DAB1: variants seen among roughly 807,000 people sequenced by gnomAD.
DAB1 encodes disabled homolog 1.
DAB1 carries 15 observed loss-of-function variants against 64.6 expected under a neutral mutation model. The ratio of observed to expected loss-of-function variants is 0.23; its 90% CI spans 0.16 to 0.36. DAB1 has a LOEUF of 0.36. DAB1 is among the 10% of genes least tolerant of loss of function. The probability of loss-of-function intolerance (pLI) is 1.00; values close to 1 mark genes in which losing one functional copy is unlikely to be tolerated. For missense variants in DAB1, 596 were observed against 706.7 expected, an observed-to-expected ratio of 0.84 and a Z score of 1.78; for synonymous variants, 235 against 251.9, an observed-to-expected ratio of 0.93 and a Z score of 0.64.
intron 6 of DAB1, among the ~76,000 whole-genome samples, chr1:57,719,104 G>C (rs1647119851): frequency 6.6e-6 from 1 of 152,170 alleles, no homozygotes; most frequent in Non-Finnish European, 1.5e-5. Flanking sequence ...TGAGAAATTA[G>C]GGACAACTAT....
intron 2 of DAB1, among the ~76,000 whole-genome samples, chr1:57,247,520 G>C (rs1668976524): frequency 6.6e-6 from 1 of 152,154 alleles, no homozygotes. Context: ...CTTTATAGCA[G>C]CGTGAGAACA....
At chr1:58,243,712 A>G (rs1474326430) in intron 4 of DAB1, among the ~76,000 whole-genome samples, 1 of 152,196 alleles carries the variant, frequency 6.6e-6, no homozygotes, top group African/African-American at 2.4e-5. Flanking sequence ...TCACTCTCAA[A>G]GTGAGAGTTC....
intron 5 of DAB1, among the ~76,000 whole-genome samples, chr1:57,979,263 G>A (rs561833198): frequency 7.9e-5 from 12 of 152,102 alleles, no homozygotes; most frequent in Admixed American, 3.3e-4. Context: ...TGCCCTTTGC[G>A]GGGACATGGA....
chr1:57,568,477 G>C (rs935848244), intron 7 of DAB1, among the ~76,000 whole-genome samples: 1 of 152,168 alleles, frequency 6.6e-6, no homozygotes, highest in Non-Finnish European at 1.5e-5. Context: ...ACTACCACCA[G>C]AGTGAACAGG....
chr1:57,105,623 T>G (rs1285555223), intron 4 of DAB1, among the ~76,000 whole-genome samples: 1 of 152,186 alleles, frequency 6.6e-6, no homozygotes, highest in African/African-American at 2.4e-5. Flanking sequence ...TTTCCCTTCT[T>G]CTCATTTTCA....
At chr1:58,248,095 A>C (rs1660633186) in intron 4 of DAB1, among the ~76,000 whole-genome samples, 2 of 152,110 alleles carry the variant, frequency 1.3e-5, no homozygotes, top group African/African-American at 4.8e-5. Flanking sequence ...CAAGAAAAAA[A>C]AAAATCTTGT....
chr1:57,081,164 T>C (rs1215096213), intron 4 of DAB1, among the ~76,000 whole-genome samples: 1 of 152,250 alleles, frequency 6.6e-6, no homozygotes, highest in Non-Finnish European at 1.5e-5. Flanking sequence ...ACAAGTCACC[T>C]TATTTCACTG....
intron 5 of DAB1, among the ~76,000 whole-genome samples, chr1:57,939,526 A>C (rs1645073501): frequency 6.6e-6 from 1 of 152,194 alleles, no homozygotes; most frequent in Non-Finnish European, 1.5e-5. Context: ...CAATTTCATC[A>C]GCTCTCTATT....
chr1:57,887,080 C>G (rs1419645771), upstream of DAB1, among the ~76,000 whole-genome samples: 3 of 152,166 alleles, frequency 2.0e-5, no homozygotes, highest in Non-Finnish European at 4.4e-5. Context: ...CCCACCCTCA[C>G]ACATCATTCT....
chr1:57,790,598 T>C (rs1650548700), intron 6 of DAB1, among the ~76,000 whole-genome samples: 1 of 152,012 alleles, frequency 6.6e-6, no homozygotes, highest in Non-Finnish European at 1.5e-5. Context: ...TCTCCCACCA[T>C]CCCTAAGTCA....
At chr1:57,421,834 A>G (rs1271311645) in intron 1 of DAB1, among the ~76,000 whole-genome samples, 1 of 143,742 alleles carries the variant, frequency 7.0e-6, no homozygotes, top group Non-Finnish European at 1.5e-5. Context: ...AAAATCTTTG[A>G]TCACTTTCAG....
At chr1:57,015,559 G>T in intron 11 of DAB1, 128 bp from the exon 12 acceptor site, 1 of 818,658 alleles carries the variant, frequency 1.2e-6, no homozygotes, top group South Asian at 1.8e-5. Flanking sequence ...CCAGGGACTG[G>T]GGATGCCAAG....
rs373623624 is a variant in DAB1, at chr1:57,657,028, G to C, written n.552-7363C>G. Among the ~76,000 whole-genome samples the C allele has an allele frequency of 3.8e-4, 58 of 152,328 alleles. 1 individual carries two copies. In the East Asian group the frequency reaches 8.9e-3, roughly 23 times the overall value. On this transcript the variant is annotated intron_variant and non_coding_transcript_variant, in intron 6 of 20. Coordinates refer to the DAB1 transcript ENST00000485760. ...ATTATACAAACAATTATATGTATTT[G>C]CAAAAGATCTCCAAGACATCTCCAT... is the stretch of plus-strand genomic sequence containing the variant.
At chr1:57,142,877 C>T (rs543858721) in intron 3 of DAB1, among the ~76,000 whole-genome samples, 7 of 152,230 alleles carry the variant, frequency 4.6e-5, no homozygotes, top group South Asian at 2.1e-4. Flanking sequence ...TGGATGAGAA[C>T]CAGATCTTTG....
chr1:57,606,375 CCT>C (rs1645637373), intron 7 of DAB1, among the ~76,000 whole-genome samples: 1 of 12,880 alleles, frequency 7.8e-5, no homozygotes, highest in South Asian at 6.3e-3. Flanking sequence ...CCATTCTAAT[CCT>C]ATATATATAT....
At chr1:58,337,546 C>T (rs1663148434) in intron 4 of DAB1, among the ~76,000 whole-genome samples, 1 of 152,202 alleles carries the variant, frequency 6.6e-6, no homozygotes, top group South Asian at 2.1e-4. Flanking sequence ...TTAGCTCTGC[C>T]ATTACTAGTT....
At chr1:57,709,704 T>C (rs1405727621) in intron 6 of DAB1, among the ~76,000 whole-genome samples, 2 of 152,154 alleles carry the variant, frequency 1.3e-5, no homozygotes, top group Non-Finnish European at 1.5e-5. Flanking sequence ...GTGTCTGACT[T>C]ACGCACAAGA....
intron 1 of DAB1, among the ~76,000 whole-genome samples, chr1:57,854,968 G>T (rs987177141): frequency 5.9e-5 from 9 of 152,262 alleles, no homozygotes; most frequent in Middle Eastern, 3.4e-3. Flanking sequence ...ATGGTCACTA[G>T]GTTTTCCGTA....
At chr1:58,500,942 TATA>T (rs1645897222) in intron 3 of DAB1, among the ~76,000 whole-genome samples, 1 of 152,198 alleles carries the variant, frequency 6.6e-6, no homozygotes, top group Non-Finnish European at 1.5e-5. Context: ...AACGACAAAT[TATA>T]ATATACATAA....
Sources: gnomAD v4.1 joint callset for allele counts (sites outside exome capture counted in the v4.1 genomes callset) on GRCh38, gnomAD v4.1.1 for gene constraint, MANE v1.5 for transcripts, NCBI Gene and HGNC (gene_info 2026-07-23, HGNC 2026-07-21) for gene names.